The following ADPGK variants were observed in gnomAD, a reference collection of about 807,000 sequenced individuals.
The protein encoded by ADPGK is ADP dependent glucokinase.
ADPGK carries 26 observed loss-of-function variants against 42.4 expected under a neutral mutation model. That is an observed-to-expected ratio of 0.61 (90% CI 0.45 to 0.85). The LOEUF (loss-of-function observed/expected upper bound fraction) is 0.85, where lower values mean the gene tolerates loss of function less well. Ranked by LOEUF, ADPGK falls within the 40% of genes least tolerant of loss-of-function variation. The pLI, the probability that ADPGK is intolerant of heterozygous loss-of-function variation, is 0.00. For missense variants in ADPGK, 571 were observed against 627.0 expected (o/e 0.91, Z 0.95); for synonymous variants, 267 against 252.6 (o/e 1.06, Z -0.54).
chr15:72,757,969 T>C (rs1567447644), intron 4 of ADPGK: 1 of 1,163,918 alleles, frequency 8.6e-7, no homozygotes, highest in African/African-American at 1.5e-5. Context: ...CTGCTTGCTG[T>C]TTCCACAGGA....
intron 1 of ADPGK, among the ~76,000 whole-genome samples, chr15:72,777,747 A>G (rs2066407404): frequency 6.6e-6 from 1 of 152,128 alleles, no homozygotes; most frequent in South Asian, 2.1e-4. Flanking sequence ...TGAGATTTTA[A>G]ACAGTCTGAC....
chr15:72,773,158 T>C (rs535973675), intron 2 of ADPGK, among the ~76,000 whole-genome samples: 2 of 152,252 alleles, frequency 1.3e-5, no homozygotes, highest in East Asian at 3.9e-4. Flanking sequence ...CATAATGTTT[T>C]AAGAAAGTTT....
intron 4 of ADPGK, chr15:72,760,108 G>T: frequency 5.4e-6 from 1 of 184,660 alleles, no homozygotes. Flanking sequence ...ATATATGTGT[G>T]TTTAACACGT....
At chr15:72,761,681 T>G (rs1172916285) in intron 3 of ADPGK, among the ~76,000 whole-genome samples, 1 of 151,288 alleles carries the variant, frequency 6.6e-6, no homozygotes, top group Non-Finnish European at 1.5e-5. Context: ...TCCACAGAGA[T>G]TATCAGCACT....
In ADPGK at chr15:72,775,091, A is replaced by G. The variant is rs74803556; in HGVS notation, c.240T>C (p.Asn80=). 224 of 1,613,990 alleles carry G rather than the reference A, an allele frequency of 1.4e-4. 2 individuals carry two copies. In the East Asian group the frequency reaches 3.3e-3, roughly 24 times the overall value. The change falls in exon 2 of 7, where the codon AAT becomes AAC. Residue 80 remains asparagine, a synonymous_variant. Transcript: ENST00000456471. Reference sequence around the variant, plus strand: ...CTGAGAGCACCACATCAACACATGCATTGACTCTAGAAGGAGGAAAAAAAC... The same window carrying G: ...CTGAGAGCACCACATCAACACATGCGTTGACTCTAGAAGGAGGAAAAAAAC... ...RRWRRVAVGV[N]ACVDVVLSGV...
intron 3 of ADPGK, among the ~76,000 whole-genome samples, chr15:72,767,728 CAATA>C (rs1390353182): frequency 6.6e-6 from 1 of 152,010 alleles, no homozygotes; most frequent in Non-Finnish European, 1.5e-5. Flanking sequence ...TGGCACATCT[CAATA>C]AATCAAAGGG....
At chr15:72,758,193 C>T (rs1230250043) in intron 4 of ADPGK, 9 of 1,471,892 alleles carry the variant, frequency 6.1e-6, no homozygotes, top group South Asian at 2.3e-5. Context: ...TTCATGGCCC[C>T]GTTGGAGAGG....
rs781473265 is a variant in ADPGK at position 72,783,587 on chromosome 15, G to A, written c.105C>T (p.Leu35=). Reference sequence around the variant, plus strand: ...CGGGCCCCAGACACAGCGAGCTCCAGAGAGAGCGCAGCGCCGAGCCTGGCA... The same window carrying A: ...CGGGCCCCAGACACAGCGAGCTCCAAAGAGAGCGCAGCGCCGAGCCTGGCA... ...PELPGSALRS[L]WSSLCLGPAP... is the part of the protein sequence containing the mutation. The change falls in exon 1 of 7, where the codon CTC becomes CTT. Residue 35 remains leucine (L), a synonymous_variant. Transcript: ENST00000456471. 5 of 1,516,418 alleles carry A rather than the reference G, an allele frequency of 3.3e-6. No individual in the cohort carries two copies. In the South Asian group the frequency reaches 3.7e-5, roughly 11 times the overall value. 93.9% of individuals were successfully genotyped at this position (1,516,418 alleles called of 1,614,324 possible).
chr15:72,777,199 C>G (rs555305953), intron 1 of ADPGK, among the ~76,000 whole-genome samples: 1 of 152,188 alleles, frequency 6.6e-6, no homozygotes, highest in Admixed American at 6.5e-5. Context: ...GTAGAATCAA[C>G]AGGAATACAA....
At position 72,780,073 on chromosome 15, in the gene ADPGK, C is replaced by T. The variant is rs548476994; in HGVS notation, c.233+3386G>A. 2.0e-5 allele frequency among the ~76,000 whole-genome samples: 3 copies of T among 151,656 alleles called. No individual in the cohort carries two copies. The South Asian group carries it at 6.2e-4, about 32-fold the overall frequency. On this transcript the variant is annotated intron_variant, in intron 1 of 6. Transcript: ENST00000456471. Reference sequence around the variant, plus strand: ...GGGCAAATAAATCAATGTGAGAAGACTCGGTGACAATATCTGTTATCTGCC... The same window carrying T: ...GGGCAAATAAATCAATGTGAGAAGATTCGGTGACAATATCTGTTATCTGCC...
intron 3 of ADPGK, among the ~76,000 whole-genome samples, chr15:72,767,435 C>T (rs1160911849): frequency 1.3e-5 from 2 of 149,808 alleles, no homozygotes; most frequent in Non-Finnish European, 3.0e-5. Context: ...CACTATCAAT[C>T]AACTTCATCT....
At chr15:72,782,250 G>A (rs2066468148) in intron 1 of ADPGK, among the ~76,000 whole-genome samples, 1 of 152,076 alleles carries the variant, frequency 6.6e-6, no homozygotes, top group Non-Finnish European at 1.5e-5. Flanking sequence ...AGCAAGGAAG[G>A]ACAATTTAAT....
chr15:72,782,506 CAGAG>C (rs895413204), intron 1 of ADPGK, among the ~76,000 whole-genome samples: 5 of 107,926 alleles, frequency 4.6e-5, no homozygotes, highest in South Asian at 3.3e-4. Context: ...GCCTAGGCGA[CAGAG>C]AGAGAGACCC....
At position 72,752,165 on chromosome 15, in the gene ADPGK, A is replaced by G. The variant is rs181274975; in HGVS notation, c.*176T>C. ...TAAAAAACAAAAATCCAGTCTCATT[A>G]GCTAAATTCGGATTAAAATCTGAAA... On this transcript the variant is annotated 3_prime_UTR_variant, in exon 7 of 7. Transcript: ENST00000456471. 2 of 691,096 alleles carry G rather than the reference A, an allele frequency of 2.9e-6. No homozygotes were observed. The highest frequency in any genetic ancestry group is 2.8e-5 in the East Asian group (1 of 36,272). The allele number at this position is 691,096 out of a possible 1,614,324, so 42.8% of individuals were successfully genotyped here.
At chr15:72,771,708 G>T (rs2066330590) in intron 3 of ADPGK, 75 bp downstream of exon 3, 2 of 1,364,622 alleles carry the variant, frequency 1.5e-6, no homozygotes, top group Non-Finnish European at 1.0e-6. Flanking sequence ...TCAAGGAATA[G>T]ATACTCATTC....
At chr15:72,770,972 A>G (rs2066322301) in intron 3 of ADPGK, among the ~76,000 whole-genome samples, 1 of 152,222 alleles carries the variant, frequency 6.6e-6, no homozygotes, top group Admixed American at 6.5e-5. Context: ...GGCCACAACC[A>G]TTCTGCACTG....
chr15:72,771,131 G>C (rs998831409), intron 3 of ADPGK, among the ~76,000 whole-genome samples: 6 of 152,172 alleles, frequency 3.9e-5, no homozygotes, highest in African/African-American at 1.4e-4. Flanking sequence ...TAACTTTCTT[G>C]TTGGCCTCCC....
Position 72,751,301 on chromosome 15 carries a change from C to T in ADPGK, c.*1040G>A, listed in dbSNP as rs1014114704. 8.5e-5 allele frequency: 13 copies of T among 152,576 alleles called. No individual in the cohort carries two copies. The highest frequency in any genetic ancestry group is 1.6e-4 in the Non-Finnish European group (11 of 68,034). 9.5% of individuals were successfully genotyped at this position (152,576 alleles called of 1,614,324 possible). On this transcript the variant is annotated 3_prime_UTR_variant, in exon 7 of 7. Coordinates refer to ENST00000456471, the MANE Select transcript of ADPGK (RefSeq NM_001365225.1). ...TAACATGCACATCACAAATGAAGAT[C>T]AGAATGATTTTTATCTTATCTGGTT... is the stretch of plus-strand genomic sequence containing the variant.
intron 3 of ADPGK, among the ~76,000 whole-genome samples, chr15:72,771,243 T>A (rs2066325779): frequency 6.6e-6 from 1 of 152,174 alleles, no homozygotes; most frequent in South Asian, 2.1e-4. Context: ...ACAATTTAAG[T>A]CTTGAAGACA....
Sources: gnomAD v4.1 joint callset for allele counts (sites outside exome capture counted in the v4.1 genomes callset) on GRCh38, gnomAD v4.1.1 for gene constraint, MANE v1.5 for transcripts, NCBI Gene and HGNC (gene_info 2026-07-23, HGNC 2026-07-21) for gene names.